Variants in KHDRBS2 observed in about 807,000 individuals in gnomAD.
KHDRBS2 encodes the protein KH RNA binding domain containing, signal transduction associated 2, also known as KH domain-containing, RNA-binding, signal transduction-associated protein 2.
KHDRBS2 carries 26 observed loss-of-function variants against 44.3 expected under a neutral mutation model. The ratio of observed to expected loss-of-function variants is 0.59; its 90% CI spans 0.43 to 0.81. KHDRBS2 has a LOEUF of 0.81. KHDRBS2 is among the 40% of genes least tolerant of loss of function. The pLI is 0.00. For missense variants in KHDRBS2, 476 were observed against 433.1 expected (o/e 1.10, Z -0.88); for synonymous variants, 194 against 151.1 (o/e 1.28, Z -2.08).
chr6:61,798,992 T>C (rs774909764), intron 6 of KHDRBS2, among the ~76,000 whole-genome samples: 12 of 151,934 alleles, frequency 7.9e-5, no homozygotes, highest in Non-Finnish European at 1.8e-4. Context: ...ATATTTGATA[T>C]CCATCAAAAA....
At chr6:61,724,895 A>C (rs1469637159) in intron 7 of KHDRBS2, among the ~76,000 whole-genome samples, 1 of 152,182 alleles carries the variant, frequency 6.6e-6, no homozygotes, top group Non-Finnish European at 1.5e-5. Context: ...AATATTAGAC[A>C]GATAATCTAA....
At chr6:62,166,425 T>A (rs768240870) in intron 2 of KHDRBS2, among the ~76,000 whole-genome samples, 1 of 151,988 alleles carries the variant, frequency 6.6e-6, no homozygotes, top group Non-Finnish European at 1.5e-5. Flanking sequence ...ATGGCATAAA[T>A]CTGAAATTGT....
intron 4 of KHDRBS2, among the ~76,000 whole-genome samples, chr6:61,949,574 T>C (rs1764322829): frequency 6.6e-6 from 1 of 152,122 alleles, no homozygotes; most frequent in African/African-American, 2.4e-5. Context: ...CCCAAATTCC[T>C]GTTACCTCTT....
chr6:61,561,890 ACT>A, the KHDRBS2 span, among the ~76,000 whole-genome samples: 1,121 of 151,966 alleles, frequency 7.4e-3, 6 homozygotes, highest in Non-Finnish European at 9.5e-3. Context: ...CCAACAGCCT[ACT>A]CTCTAGCCAC....
At chr6:61,596,207 GC>G in the KHDRBS2 span, among the ~76,000 whole-genome samples, 2 of 152,262 alleles carry the variant, frequency 1.3e-5, no homozygotes, top group East Asian at 3.9e-4. Flanking sequence ...CCAGCAGGCA[GC>G]CCTTACAGCT....
chr6:61,722,816 T>C (rs1035640171), intron 7 of KHDRBS2, among the ~76,000 whole-genome samples: 1 of 151,864 alleles, frequency 6.6e-6, no homozygotes, highest in African/African-American at 2.4e-5. Flanking sequence ...TTCACAACAT[T>C]CTCCTGCCTC....
chr6:61,840,537 C>A (rs1562279236), intron 6 of KHDRBS2, among the ~76,000 whole-genome samples: 1 of 152,066 alleles, frequency 6.6e-6, no homozygotes, highest in East Asian at 1.9e-4. Flanking sequence ...AACCAAGATG[C>A]CACCAGATAA....
chr6:61,795,138 C>G (rs1418782544), intron 6 of KHDRBS2, among the ~76,000 whole-genome samples: 3 of 118,128 alleles, frequency 2.5e-5, no homozygotes, highest in Middle Eastern at 5.8e-3. Context: ...GAGCGAGACT[C>G]CGTCTCAAAA....
At chr6:62,120,263 T>G (rs1807294245) in intron 2 of KHDRBS2, among the ~76,000 whole-genome samples, 1 of 152,122 alleles carries the variant, frequency 6.6e-6, no homozygotes, top group Admixed American at 6.5e-5. Context: ...TCCAAAGGCT[T>G]AGGAACATAG....
At chr6:61,897,653 G>A (rs921304360) in intron 5 of KHDRBS2, among the ~76,000 whole-genome samples, 1 of 151,862 alleles carries the variant, frequency 6.6e-6, no homozygotes, top group African/African-American at 2.4e-5. Context: ...TATCTGCCTT[G>A]GATGATGGAA....
At chr6:61,986,923 T>C (rs1295552163) in intron 3 of KHDRBS2, among the ~76,000 whole-genome samples, 2 of 152,172 alleles carry the variant, frequency 1.3e-5, no homozygotes, top group African/African-American at 2.4e-5. Flanking sequence ...ATTCAACATA[T>C]GAATTTTGAG....
intron 8 of KHDRBS2, among the ~76,000 whole-genome samples, chr6:61,691,524 C>T (rs544876410): frequency 6.2e-4 from 94 of 152,064 alleles, no homozygotes; most frequent in African/African-American, 2.2e-3. Context: ...TTCCCCATAA[C>T]CTATTATGTA....
chr6:61,996,799 C>G (rs1482330422), intron 3 of KHDRBS2, among the ~76,000 whole-genome samples: 2 of 149,976 alleles, frequency 1.3e-5, no homozygotes, highest in African/African-American at 2.5e-5. Context: ...CCCTCACCCC[C>G]CCGAGATAGA....
intron 4 of KHDRBS2, among the ~76,000 whole-genome samples, chr6:61,925,969 TA>T: frequency 6.6e-6 from 1 of 152,236 alleles, no homozygotes; most frequent in South Asian, 2.1e-4. Context: ...TAGGTAGTAA[TA>T]TTATTGACAT....
intron 3 of KHDRBS2, among the ~76,000 whole-genome samples, chr6:61,993,673 A>T (rs58939671): frequency 0.064 from 7,388 of 115,644 alleles, 734 homozygotes; most frequent in African/African-American, 0.18. Flanking sequence ...ATATATATAT[A>T]TTTTTTTTTT....
At chr6:62,173,166 A>G (rs1820407883) in intron 2 of KHDRBS2, among the ~76,000 whole-genome samples, 1 of 151,964 alleles carries the variant, frequency 6.6e-6, no homozygotes, top group African/African-American at 2.4e-5. Flanking sequence ...GAAAGAGTAA[A>G]TAAGATAAAC....
At chr6:62,210,473 G>C (rs1828854790) in intron 1 of KHDRBS2, among the ~76,000 whole-genome samples, 1 of 151,884 alleles carries the variant, frequency 6.6e-6, no homozygotes, top group Admixed American at 6.6e-5. Flanking sequence ...TGGGATTACA[G>C]GCACACACCA....
At chr6:62,129,752 G>A (rs1036908372) in intron 2 of KHDRBS2, among the ~76,000 whole-genome samples, 8 of 151,890 alleles carry the variant, frequency 5.3e-5, no homozygotes, top group African/African-American at 1.5e-4. Context: ...TATTTGACAT[G>A]CTCTATAGCC....
intron 2 of KHDRBS2, among the ~76,000 whole-genome samples, chr6:62,162,804 G>C (rs1016498820): frequency 1.3e-5 from 2 of 152,068 alleles, no homozygotes; most frequent in Non-Finnish European, 2.9e-5. Flanking sequence ...ACATTGGATA[G>C]AATGTGCAGG....
Sources: allele counts gnomAD v4.1 joint callset (sites outside exome capture counted in the v4.1 genomes callset), GRCh38; gene constraint gnomAD v4.1.1; transcripts MANE v1.5; gene names NCBI Gene and HGNC (gene_info 2026-07-23, HGNC 2026-07-21).